Variants in FSD2 observed in about 807,000 individuals in gnomAD.
FSD2 encodes the protein fibronectin type III and SPRY domain-containing protein 2.
In FSD2, 71 loss-of-function variants were observed where a neutral mutation model predicts 80.4. The observed-to-expected ratio is 0.88, with a 90% CI of 0.73 to 1.08. The LOEUF (loss-of-function observed/expected upper bound fraction) is 1.08. Among genes scored for constraint, FSD2 ranks in the 50% least tolerant of loss-of-function variants. FSD2 has a pLI of 0.00. For missense variants in FSD2, 923 were observed against 913.8 expected (o/e 1.01, Z -0.13); for synonymous variants, 361 against 329.5 (o/e 1.10, Z -1.03).
chr15:82,769,093 G>T lies in FSD2; in HGVS notation c.1403-63C>A, dbSNP rs985652658. ...TGTTCATTTCCAGCTGTTTTGTTCA[G>T]AGCCATGGACAAACATCACAGCCAC... On this transcript the variant is annotated intron_variant, in intron 8 of 12. Coordinates refer to ENST00000334574, the MANE Select transcript of FSD2 (RefSeq NM_001007122.4). 6 of 1,369,508 alleles carry T rather than the reference G, an allele frequency of 4.4e-6. No homozygotes were observed. The African/African-American group carries it at 8.9e-5, about 20-fold the overall frequency. The allele number at this position is 1,369,508 out of a possible 1,614,324, so 84.8% of individuals were successfully genotyped here.
chr15:82,794,719 CTCTTT>C (rs1214419111), intron 1 of FSD2, among the ~76,000 whole-genome samples: 1 of 149,282 alleles, frequency 6.7e-6, no homozygotes, highest in Non-Finnish European at 1.5e-5. Context: ...GATGGATTGG[CTCTTT>C]TCTTTTTTTT....
intron 11 of FSD2, among the ~76,000 whole-genome samples, chr15:82,762,683 A>G (rs2151486517): frequency 6.6e-6 from 1 of 152,338 alleles, no homozygotes; most frequent in South Asian, 2.1e-4. Flanking sequence ...TGAACATGGA[A>G]GGCCTTTGAG....
chr15:82,765,341 T>C (rs1191048836), intron 10 of FSD2, 43 bp from the exon 11 acceptor site: 1 of 1,611,854 alleles, frequency 6.2e-7, no homozygotes, highest in Non-Finnish European at 8.5e-7. Context: ...GCCAATCACT[T>C]GCTTTCTCCA....
chr15:82,768,896 CT>C lies in FSD2; in HGVS notation c.1536del (p.Ala513ProfsTer4). On this transcript the variant is annotated frameshift_variant, in exon 9 of 13. Coordinates refer to ENST00000334574, the MANE Select transcript of FSD2 (RefSeq NM_001007122.4). LOFTEE classifies it high-confidence loss of function. ...ATGACTCACTCAGTTACACCCGAGG[CT>C]TCTGGACTTTCAGCCTGGGTCAGCT... Reference protein sequence around the residue: ...TVELTQAESPEASGVTESVVG... With the variant: ...TVELTQAESPXASGVTESVVG... 1 of 1,565,882 alleles carries C rather than the reference CT, an allele frequency of 6.4e-7. No homozygotes were observed. The highest frequency in any genetic ancestry group is 8.6e-7 in the Non-Finnish European group (1 of 1,158,248).
chr15:82,793,534 TA>T (rs1338935020), intron 1 of FSD2, among the ~76,000 whole-genome samples: 1 of 152,188 alleles, frequency 6.6e-6, no homozygotes, highest in African/African-American at 2.4e-5. Flanking sequence ...ATGCAGAAAC[TA>T]GGAGAGACAG....
In FSD2 at chr15:82,755,836, A is replaced by G. The variant is rs2049163807; in HGVS notation, c.*3512T>C. 3.2e-6 allele frequency: 1 copy of G among 309,286 alleles called. No individual in the cohort carries two copies. The allele number at this position is 309,286 out of a possible 1,614,324, so 19.2% of individuals were successfully genotyped here. On this transcript the variant is annotated 3_prime_UTR_variant, in exon 13 of 13. Transcript: ENST00000334574. ...AACCATTGGTTACAGTGAAACAAGCATATGTACAGAGTTAATCTCCTATAG... is the reference window on the plus strand; with the variant it reads ...AACCATTGGTTACAGTGAAACAAGCGTATGTACAGAGTTAATCTCCTATAG...
At chr15:82,776,088 C>T (rs1304171165) in intron 6 of FSD2, among the ~76,000 whole-genome samples, 4 of 152,106 alleles carry the variant, frequency 2.6e-5, no homozygotes. Flanking sequence ...AGTTCAAGAA[C>T]AGCCTGGGCA....
At chr15:82,785,300 A>ATTAT (rs10635621) in intron 3 of FSD2, among the ~76,000 whole-genome samples, 30,112 of 146,838 alleles carry the variant, frequency 0.21, 3,230 homozygotes, top group East Asian at 0.34. Context: ...AAGGCAATAC[A>ATTAT]TTATTTATTT....
chr15:82,795,332 T>C (rs950927406), intron 1 of FSD2, among the ~76,000 whole-genome samples: 7 of 152,186 alleles, frequency 4.6e-5, no homozygotes, highest in African/African-American at 1.2e-4. Context: ...GATTTTTTTT[T>C]CCATATAACA....
rs1246684796 is a variant in FSD2, at chr15:82,782,950, C to T, written c.811G>A (p.Glu271Lys). 2.5e-6 allele frequency: 4 copies of T among 1,613,826 alleles called. No homozygotes were observed. The highest frequency in any genetic ancestry group is 1.1e-5 in the South Asian group (1 of 91,042). The change falls in exon 4 of 13, where the codon GAG becomes AAG. Residue 271 changes from glutamate (E) to lysine (K), a missense_variant. Physicochemically the swap from Glu to Lys is moderately conservative, Grantham distance 56 (BLOSUM62 1). Transcript: ENST00000334574. ...EILETLAQKY[E>K]EKIQALGEKK... ...TCCCCTAGAGCTTGTATTTTTTCCT[C>T]ATATTTTTGAGCAAGTGTTTCCAAG...
At position 82,789,354 on chromosome 15, in the gene FSD2, TATAATA is replaced by T. The variant is rs35989908; in HGVS notation, c.-78-1892_-78-1887del. Among the ~76,000 whole-genome samples, 749 of 148,922 alleles carry T rather than the reference TATAATA, an allele frequency of 5.0e-3. 12 individuals carry two copies. Among genetic ancestry groups the T allele is most frequent in the African/African-American group, 0.016 (666 of 40,740 alleles). On this transcript the variant is annotated intron_variant, in intron 1 of 12. Transcript: ENST00000334574. The stretch of plus-strand genomic sequence containing the variant: ...ATGAAGTACATAAAGTCTAGAAGGA[TATAATA>T]ATAATAATAATAATAATAATAGTAA...
chr15:82,780,193 C>T, intron 5 of FSD2, 52 bp downstream of exon 5: 1 of 1,325,718 alleles, frequency 7.5e-7, no homozygotes, highest in Non-Finnish European at 1.0e-6. Flanking sequence ...ATTTGGATAA[C>T]TAAAGTTGAA....
At chr15:82,790,544 TTGTGTGTGTGTGTG>T (rs57545404) in intron 1 of FSD2, among the ~76,000 whole-genome samples, 2 of 148,688 alleles carry the variant, frequency 1.3e-5, no homozygotes, top group African/African-American at 5.0e-5. Flanking sequence ...GAGCTGCCAT[TTGTGTGTGTGTGTG>T]TGTGTGTGTT....
intron 7 of FSD2, among the ~76,000 whole-genome samples, chr15:82,771,444 A>G (rs527252338): frequency 2.6e-5 from 4 of 152,212 alleles, no homozygotes; most frequent in African/African-American, 9.6e-5. Context: ...TTAAGAAAGA[A>G]TGGCTTATTG....
At chr15:82,774,428 G>A (rs1478356436) in intron 6 of FSD2, among the ~76,000 whole-genome samples, 1 of 152,162 alleles carries the variant, frequency 6.6e-6, no homozygotes, top group African/African-American at 2.4e-5. Flanking sequence ...TTGTACATAA[G>A]TTTTCTCATT....
At chr15:82,780,480 A>G (rs1050554071) in intron 4 of FSD2, among the ~76,000 whole-genome samples, 26 of 151,612 alleles carry the variant, frequency 1.7e-4, no homozygotes, top group South Asian at 2.1e-4. Context: ...GATTACAGGC[A>G]CGCACCACCA....
chr15:82,802,019 A>G (rs951398465), intron 1 of FSD2, among the ~76,000 whole-genome samples: 16 of 152,138 alleles, frequency 1.1e-4, no homozygotes, highest in African/African-American at 3.6e-4. Context: ...TTTTGCCTTC[A>G]TATGATTTAT....
chr15:82,787,119 A>G lies in FSD2; in HGVS notation c.272T>C (p.Val91Ala). Residue 91 changes from valine to alanine, a missense_variant, in exon 2 of 13, where the codon GTT becomes GCT. By Grantham distance (64) the Val-to-Ala change is moderately conservative. Transcript: ENST00000334574. ...EDDHELGDEF[V>A]DENIPRTGVS... ...CCCTGTTCTGGGTATGTTTTCATCA[A>G]CAAACTCATCCCCTAATTCATGATC... is the stretch of plus-strand genomic sequence containing the variant. 1 of 1,614,030 alleles carries G rather than the reference A, an allele frequency of 6.2e-7. No homozygotes were observed. Among genetic ancestry groups the G allele is most frequent in the Non-Finnish European group, 8.5e-7 (1 of 1,179,902 alleles).
chr15:82,769,693 T>C, intron 8 of FSD2, 57 bp downstream of exon 8: 1 of 1,552,808 alleles, frequency 6.4e-7, no homozygotes, highest in Middle Eastern at 1.7e-4. Flanking sequence ...TAGAAACCCA[T>C]GACTCCTGTG....
Sources: allele counts gnomAD v4.1 joint callset (sites outside exome capture counted in the v4.1 genomes callset), GRCh38; gene constraint gnomAD v4.1.1; transcripts MANE v1.5; gene names NCBI Gene and HGNC (gene_info 2026-07-23, HGNC 2026-07-21).